Variants in SYNM observed in about 807,000 individuals in gnomAD.
The protein encoded by SYNM is synemin, also known as desmuslin.
Under a neutral mutation model 104.0 loss-of-function variants are expected in SYNM, and 95 were observed. The ratio of observed to expected loss-of-function variants is 0.91; its 90% CI spans 0.77 to 1.08. SYNM has a LOEUF of 1.08. SYNM is among the 50% of genes least tolerant of loss of function. The pLI is 0.00. For synonymous variants in SYNM, 918 were observed against 869.0 expected, an observed-to-expected ratio of 1.06 and a Z score of -0.99; for missense variants, 2,150 against 2,052.2, an observed-to-expected ratio of 1.05 and a Z score of -0.92.
rs193084682 is a variant in SYNM at position 99,116,761 on chromosome 15, G to A, written c.935+3046G>A. 4.3e-4 allele frequency among the ~76,000 whole-genome samples: 61 copies of A among 143,418 alleles called. 6 individuals carry two copies. Among genetic ancestry groups the A allele is most frequent in the African/African-American group, 1.4e-3 (56 of 40,276 alleles). The allele number at this position is 143,418 out of a possible 152,430, so 94.1% of individuals were successfully genotyped here. ...TGGCTCACTGCAACCTCTACCTCAC[G>A]GGTTCAAGCAATTCTCCTGATTCTC... On this transcript the variant is annotated intron_variant, in intron 2 of 3. Transcript: ENST00000336292.
In SYNM at chr15:99,105,803, T is replaced by C; in HGVS notation, c.604T>C (p.Tyr202His). The change falls in exon 1 of 4, where the codon TAC (tyrosine) becomes CAC (histidine). Residue 202 changes from tyrosine (Y) to histidine (H), a missense_variant. Transcript: ENST00000336292. The stretch of plus-strand genomic sequence containing the variant: ...GTCGTGGCGGGAGACGGTGCAGCTG[T>C]ACGAGGACGAGGTGCGCGAGCTGGA... Reference protein sequence around the residue: ...AESWRETVQLYEDEVRELEEA... With the variant: ...AESWRETVQLHEDEVRELEEA... 1.3e-6 allele frequency: 2 copies of C among 1,540,722 alleles called. No individual in the cohort carries two copies. Among genetic ancestry groups the C allele is most frequent in the Non-Finnish European group, 1.7e-6 (2 of 1,144,928 alleles).
At chr15:99,107,151 C>G (rs2067253807) in intron 1 of SYNM, among the ~76,000 whole-genome samples, 1 of 152,174 alleles carries the variant, frequency 6.6e-6, no homozygotes, top group African/African-American at 2.4e-5. Context: ...GGGATTTAAT[C>G]TTTTGAGTTG....
chr15:99,126,546 C>T (rs1596131673), intron 2 of SYNM, among the ~76,000 whole-genome samples, 176 bp from the exon 3 acceptor site: 1 of 152,360 alleles, frequency 6.6e-6, no homozygotes, highest in Non-Finnish European at 1.5e-5. Context: ...TCTGCTGAGG[C>T]TGGTGGGTGG....
chr15:99,121,495 C>T (rs771972456), intron 2 of SYNM, among the ~76,000 whole-genome samples: 3 of 152,152 alleles, frequency 2.0e-5, no homozygotes, highest in African/African-American at 4.8e-5. Flanking sequence ...CGCTGTCACT[C>T]GCTGCAGGCT....
chr15:99,105,198 A>G lies in SYNM; in HGVS notation c.-2A>G. 1 of 1,573,500 alleles carries G rather than the reference A, an allele frequency of 6.4e-7. No individual in the cohort carries two copies. Among genetic ancestry groups the G allele is most frequent in the Non-Finnish European group, 8.6e-7 (1 of 1,162,354 alleles). Reference sequence around the variant, plus strand: ...CCGCGAGAACCCCGCACGCCCGGCAAGATGCTGTCCTGGCGGCTGCAGACG... The same window carrying G: ...CCGCGAGAACCCCGCACGCCCGGCAGGATGCTGTCCTGGCGGCTGCAGACG... On this transcript the variant is annotated 5_prime_UTR_variant, in exon 1 of 4. Transcript: ENST00000336292.
At position 99,130,096 on chromosome 15, in the gene SYNM, T is replaced by A. The variant is rs782586592; in HGVS notation, c.1736T>A (p.Ile579Asn). 1.4e-5 allele frequency: 22 copies of A among 1,613,782 alleles called. No homozygotes were observed. In the South Asian group the frequency reaches 2.4e-4, roughly 18 times the overall value. Residue 579 changes from isoleucine to asparagine, a missense_variant, in exon 4 of 4, where the codon ATT (isoleucine) becomes AAT (asparagine). Ile to Asn is a moderately radical substitution (Grantham distance 149). Transcript: ENST00000336292. The part of the protein sequence containing the change: ...EKSVREREVP[I>N]SLEVSQDRRA... Reference sequence around the variant, plus strand: ...AGCGTGCGAGAGAGAGAGGTGCCGATTAGTCTAGAAGTATCCCAGGACAGA... The same window carrying A: ...AGCGTGCGAGAGAGAGAGGTGCCGAATAGTCTAGAAGTATCCCAGGACAGA...
In SYNM at chr15:99,132,819, C is replaced by G. The variant is rs782802487; in HGVS notation, c.4459C>G (p.Arg1487Gly). The change falls in exon 4 of 4, where the codon CGT becomes GGT. Residue 1487 changes from arginine to glycine, a missense_variant. Physicochemically the swap from Arg to Gly is moderately radical, Grantham distance 125 (BLOSUM62 -2). Transcript: ENST00000336292. The stretch of plus-strand genomic sequence containing the variant: ...AGCGGGAGCTCTCGGTGTGTCTGAC[C>G]GTGGTTCCTGGAGAGACGCGGACAG... The part of the protein sequence containing the change: ...QEAGALGVSD[R>G]GSWRDADSRN... 1 of 1,613,164 alleles carries G rather than the reference C, an allele frequency of 6.2e-7. No individual in the cohort carries two copies. The highest frequency in any genetic ancestry group is 2.2e-5 in the East Asian group (1 of 44,854).
chr15:99,113,461 C>T (rs2305446), intron 1 of SYNM, 130 bp from the exon 2 acceptor site: 522,835 of 1,155,844 alleles, frequency 0.45, 120,643 homozygotes, highest in Middle Eastern at 0.54. Flanking sequence ...TGTTTAATAA[C>T]GCCGGGTGTT....
At chr15:99,126,247 C>A (rs2067446379) in intron 2 of SYNM, among the ~76,000 whole-genome samples, 1 of 152,222 alleles carries the variant, frequency 6.6e-6, no homozygotes, top group Non-Finnish European at 1.5e-5. Flanking sequence ...TCCCTGCCGT[C>A]TCCTGGTCAG....
In SYNM at chr15:99,105,341, G is replaced by C; in HGVS notation, c.142G>C (p.Gly48Arg). Reference protein sequence around the residue: ...LLEEELRGRRGREGLWAEGQA... With the variant: ...LLEEELRGRRRREGLWAEGQA... ...GGAGGAGGAGCTGCGCGGCCGGCGC[G>C]GGCGAGAGGGCCTGTGGGCCGAGGG... The change falls in exon 1 of 4, where the codon GGG (glycine) becomes CGG (arginine). Residue 48 changes from glycine (G) to arginine (R), a missense_variant. Physicochemically the swap from Gly to Arg is moderately radical, Grantham distance 125. Transcript: ENST00000336292. 1.3e-6 allele frequency: 2 copies of C among 1,539,216 alleles called. No homozygotes were observed. The highest frequency in any genetic ancestry group is 1.7e-6 in the Non-Finnish European group (2 of 1,145,470).
downstream of SYNM, chr15:99,138,139 C>G: frequency 6.2e-7 from 1 of 1,611,734 alleles, no homozygotes; most frequent in South Asian, 1.1e-5. Context: ...TGCAGACAAG[C>G]AGAGGGTGGG....
chr15:99,130,467 G>A lies in SYNM; in HGVS notation c.2107G>A (p.Gly703Ser). Residue 703 changes from glycine to serine, a missense_variant, in exon 4 of 4, where the codon GGC becomes AGC. Gly to Ser is a moderately conservative substitution (Grantham distance 56). Transcript: ENST00000336292. The stretch of plus-strand genomic sequence containing the variant: ...GGATGTTGATGTTTCCGATGAAGCT[G>A]GCCTGGACTACCTTTTAAGCAAGGA... ...TEDVDVSDEA[G>S]LDYLLSKDIK... is the part of the protein sequence containing the mutation. 1 of 1,613,886 alleles carries A rather than the reference G, an allele frequency of 6.2e-7. No individual in the cohort carries two copies. Among genetic ancestry groups the A allele is most frequent in the Admixed American group, 1.7e-5 (1 of 60,016 alleles).
Position 99,131,890 on chromosome 15 carries a change from G to A in SYNM, c.3530G>A (p.Gly1177Asp), listed in dbSNP as rs1555485991. The A allele has an allele frequency of 8.7e-6, 14 of 1,613,982 alleles. No homozygotes were observed. In the East Asian group the frequency reaches 2.9e-4, roughly 33 times the overall value. ...ASRSVRHVTL[G>D]PGQSPLSREV... is the part of the protein sequence containing the mutation. Reference sequence around the variant, plus strand: ...CGGTCTGTGAGGCATGTCACGCTGGGTCCCGGTCAAAGTCCACTGTCCAGA... The same window carrying A: ...CGGTCTGTGAGGCATGTCACGCTGGATCCCGGTCAAAGTCCACTGTCCAGA... The change falls in exon 4 of 4, where the codon GGT becomes GAT. Residue 1177 changes from glycine to aspartate, a missense_variant. Coordinates refer to ENST00000336292, the MANE Select transcript of SYNM (RefSeq NM_145728.3). This position sits in a 1 kb window ranked among gnomAD's most constrained non-coding sequence, Gnocchi z 4.3.
intron 1 of SYNM, among the ~76,000 whole-genome samples, chr15:99,108,224 C>T (rs1160823926): frequency 6.6e-6 from 1 of 152,104 alleles, no homozygotes; most frequent in African/African-American, 2.4e-5. Flanking sequence ...ATCCACCGGC[C>T]GTGGCCTCCC....
At position 99,132,547 on chromosome 15, in the gene SYNM, G is replaced by T. The variant is rs547847773; in HGVS notation, c.4187G>T (p.Gly1396Val). The change falls in exon 4 of 4, where the codon GGT becomes GTT. Residue 1396 changes from glycine (G) to valine (V), a missense_variant. Transcript: ENST00000336292. ...ACATCAGGGGCAGAAATGACATCGG[G>T]TGTTAGCAGATCCTTTAGGCACATT... Reference protein sequence around the residue: ...EDTSGAEMTSGVSRSFRHIRL... With the variant: ...EDTSGAEMTSVVSRSFRHIRL... 1.9e-6 allele frequency: 3 copies of T among 1,614,040 alleles called. No homozygotes were observed. Among genetic ancestry groups the T allele is most frequent in the East Asian group, 2.2e-5 (1 of 44,888 alleles).
In SYNM at chr15:99,105,309, T is replaced by A; in HGVS notation, c.110T>A (p.Leu37Gln). ...GTGCGGGAGCTGGAGCGCGAAAACC[T>A]ACTCCTGGAGGAGGAGCTGCGCGGC... ...CRVRELERENLLLEEELRGRR... is the reference protein window; with the variant it reads ...CRVRELERENQLLEEELRGRR... Residue 37 changes from leucine to glutamine, a missense_variant, in exon 1 of 4, where the codon CTA becomes CAA. By Grantham distance (113) the Leu-to-Gln change is moderately radical. Coordinates refer to ENST00000336292, the MANE Select transcript of SYNM (RefSeq NM_145728.3). 1 of 1,546,838 alleles carries A rather than the reference T, an allele frequency of 6.5e-7. No individual in the cohort carries two copies.
chr15:99,125,086 C>A (rs1249072584), intron 2 of SYNM, among the ~76,000 whole-genome samples: 1 of 152,206 alleles, frequency 6.6e-6, no homozygotes, highest in Non-Finnish European at 1.5e-5. Flanking sequence ...CAGCAACATA[C>A]CTTCCGTTCT....
chr15:99,118,907 C>T (rs73478116), intron 2 of SYNM, among the ~76,000 whole-genome samples: 5,896 of 152,164 alleles, frequency 0.039, 356 homozygotes, highest in African/African-American at 0.13. Context: ...TGGCAGTGAG[C>T]GGGAGCTGTG....
At chr15:99,111,860 C>T (rs537026344) in intron 1 of SYNM, among the ~76,000 whole-genome samples, 7 of 152,302 alleles carry the variant, frequency 4.6e-5, no homozygotes, top group Admixed American at 2.6e-4. Context: ...TCCTGGCCAA[C>T]GTGGTGAAAC....
Sources: gnomAD v4.1 joint callset for allele counts (sites outside exome capture counted in the v4.1 genomes callset) on GRCh38, gnomAD v4.1.1 for gene constraint, Gnocchi (gnomAD v3.1) non-coding constraint, MANE v1.5 for transcripts, NCBI Gene and HGNC (gene_info 2026-07-23, HGNC 2026-07-21) for gene names.